TRPM3: variants seen among roughly 807,000 people sequenced by gnomAD.
The protein encoded by TRPM3 is transient receptor potential cation channel subfamily M member 3.
TRPM3 carries 77 observed loss-of-function variants against 181.2 expected under a neutral mutation model. The observed-to-expected ratio is 0.42, with a 90% confidence interval of 0.35 to 0.51. The LOEUF is 0.51. Ranked by LOEUF, TRPM3 falls within the 20% of genes least tolerant of loss-of-function variation. The probability of loss-of-function intolerance (pLI) is 0.01; values close to 1 mark genes in which losing one functional copy is unlikely to be tolerated. For synonymous variants in TRPM3, 745 were observed against 796.4 expected, an observed-to-expected ratio of 0.94 and a Z score of 1.09; for missense variants, 1,759 against 2,196.7, an observed-to-expected ratio of 0.80 and a Z score of 3.98.
chr9:70,840,674 T>C (rs1214867950), intron 5 of TRPM3, among the ~76,000 whole-genome samples: 1 of 152,102 alleles, frequency 6.6e-6, no homozygotes, highest in African/African-American at 2.4e-5. Context: ...AAAGTTGGAA[T>C]GGGAGGTAGA....
chr9:71,062,720 T>A (rs996201337), intron 1 of TRPM3, among the ~76,000 whole-genome samples: 6 of 152,036 alleles, frequency 3.9e-5, no homozygotes, highest in African/African-American at 1.2e-4. Flanking sequence ...CTTCCATGAA[T>A]GAATTAATGC....
At chr9:70,861,593 G>A (rs1218692654) in intron 3 of TRPM3, among the ~76,000 whole-genome samples, 2 of 152,236 alleles carry the variant, frequency 1.3e-5, no homozygotes, top group Admixed American at 1.3e-4. Flanking sequence ...CTTTTAACAC[G>A]TGGTTTCAGA....
At chr9:71,273,186 A>G (rs2083938410) in intron 1 of TRPM3, among the ~76,000 whole-genome samples, 1 of 152,144 alleles carries the variant, frequency 6.6e-6, no homozygotes, top group Non-Finnish European at 1.5e-5. Flanking sequence ...TTAATTCTCT[A>G]ACAACCATTT....
chr9:71,320,166 G>C (rs2089066780), intron 1 of TRPM3, among the ~76,000 whole-genome samples: 1 of 151,776 alleles, frequency 6.6e-6, no homozygotes, highest in African/African-American at 2.4e-5. Context: ...AACAGCAATA[G>C]GGAGTTTCTT....
At chr9:71,258,700 A>G (rs189756122) in intron 1 of TRPM3, among the ~76,000 whole-genome samples, 1 of 152,262 alleles carries the variant, frequency 6.6e-6, no homozygotes, top group East Asian at 1.9e-4. Flanking sequence ...ATTGCCTTAC[A>G]TGCATTATTA....
At chr9:70,791,319 A>T (rs1004715521) in intron 6 of TRPM3, among the ~76,000 whole-genome samples, 40 of 152,182 alleles carry the variant, frequency 2.6e-4, no homozygotes, top group Non-Finnish European at 4.7e-4. Flanking sequence ...AAGTTATTAA[A>T]CAGTCGACAC....
chr9:71,220,093 G>A (rs1471508045), intron 1 of TRPM3, among the ~76,000 whole-genome samples: 2 of 152,086 alleles, frequency 1.3e-5, no homozygotes, highest in Non-Finnish European at 2.9e-5. Context: ...TCTGCCTGGT[G>A]AACTGTATAA....
At chr9:71,059,312 T>C (rs2061038350) in intron 1 of TRPM3, among the ~76,000 whole-genome samples, 1 of 151,950 alleles carries the variant, frequency 6.6e-6, no homozygotes, top group African/African-American at 2.4e-5. Flanking sequence ...GTAGTATATA[T>C]GCCCAATGCA....
intron 3 of TRPM3, among the ~76,000 whole-genome samples, chr9:70,859,239 C>G (rs1048406964): frequency 3.3e-5 from 5 of 152,142 alleles, no homozygotes; most frequent in African/African-American, 4.8e-5. Context: ...AACCTGATCA[C>G]CAGCAGACAA....
chr9:70,646,485 T>C (rs968658661), intron 9 of TRPM3, among the ~76,000 whole-genome samples: 25 of 151,914 alleles, frequency 1.6e-4, no homozygotes, highest in African/African-American at 5.8e-4. Context: ...AACCAAACAC[T>C]GAATGTTCTC....
At chr9:70,796,877 C>T (rs2087197943) in intron 6 of TRPM3, among the ~76,000 whole-genome samples, 1 of 152,118 alleles carries the variant, frequency 6.6e-6, no homozygotes, top group African/African-American at 2.4e-5. Context: ...GCCTGTAATC[C>T]CAGCACTTTG....
chr9:71,446,835 TGAGAA>T (rs966767580), upstream of TRPM3: 9 of 1,538,856 alleles, frequency 5.8e-6, no homozygotes, highest in African/African-American at 1.1e-4. Flanking sequence ...TTCTTCCCCA[TGAGAA>T]GTTCGCCTCC....
At chr9:70,938,374 A>T (rs2096850209) in intron 1 of TRPM3, among the ~76,000 whole-genome samples, 1 of 152,100 alleles carries the variant, frequency 6.6e-6, no homozygotes, top group Admixed American at 6.5e-5. Context: ...ACTTGTGGTC[A>T]TCATCTTCTT....
chr9:71,256,391 G>A (rs914629225), intron 1 of TRPM3, among the ~76,000 whole-genome samples: 3 of 152,080 alleles, frequency 2.0e-5, no homozygotes, highest in Admixed American at 1.3e-4. Flanking sequence ...TGACAGGTGC[G>A]AGGCACATAG....
At chr9:71,126,161 G>C (rs647165), upstream of TRPM3, among the ~76,000 whole-genome samples, 3 of 152,034 alleles carry the variant, frequency 2.0e-5, no homozygotes, top group Middle Eastern at 3.4e-3. Context: ...GAAAAATGCA[G>C]ATCAAAACCA....
chr9:71,344,062 A>T (rs1039949722), intron 1 of TRPM3, among the ~76,000 whole-genome samples: 7 of 136,590 alleles, frequency 5.1e-5, no homozygotes, highest in Non-Finnish European at 1.2e-4. Flanking sequence ...ATAGATAGAT[A>T]AACTGAAGAG....
At chr9:70,838,804 T>C (rs1231936165) in intron 5 of TRPM3, among the ~76,000 whole-genome samples, 1 of 152,158 alleles carries the variant, frequency 6.6e-6, no homozygotes. Flanking sequence ...TCAGTATTCA[T>C]AGCCTTATTC....
In TRPM3 at chr9:70,552,951, A is replaced by G. The variant is rs1413761319; in HGVS notation, c.3467T>C (p.Leu1156Pro). 1 of 1,614,164 alleles carries G rather than the reference A, an allele frequency of 6.2e-7. No individual in the cohort carries two copies. The highest frequency in any genetic ancestry group is 1.7e-5 in the Admixed American group (1 of 60,020). ...LIMTFHERPV[L>P]PPPLIIFSHM... ...GCTGAAGATGATCAGTGGTGGGGGC[A>G]GAACTGGCCTTTCATGGAAAGTCAT... The change falls in exon 24 of 26, where the codon CTG (leucine) becomes CCG (proline). Residue 1156 changes from leucine (L) to proline (P), a missense_variant. Transcript: ENST00000677713.
intron 1 of TRPM3, among the ~76,000 whole-genome samples, chr9:71,240,074 A>G (rs1330606454): frequency 6.6e-6 from 1 of 152,200 alleles, no homozygotes; most frequent in Non-Finnish European, 1.5e-5. Flanking sequence ...AACTAAAGAG[A>G]ACCTATGGCA....
Sources: allele counts gnomAD v4.1 joint callset (sites outside exome capture counted in the v4.1 genomes callset), GRCh38; gene constraint gnomAD v4.1.1; transcripts MANE v1.5; gene names NCBI Gene and HGNC (gene_info 2026-07-23, HGNC 2026-07-21).